The following GRID1 variants were observed in gnomAD, a reference collection of about 807,000 sequenced individuals.
The protein encoded by GRID1 is glutamate ionotropic receptor delta type subunit 1.
In GRID1, 28 loss-of-function variants were observed where a neutral mutation model predicts 98.0. That is an observed-to-expected ratio of 0.29 (90% CI 0.21 to 0.39). GRID1 has a LOEUF of 0.39. Ranked by LOEUF, GRID1 falls within the 10% of genes least tolerant of loss-of-function variation. The pLI is 1.00. For synonymous variants in GRID1, 553 were observed against 538.5 expected (o/e 1.03, Z -0.37); for missense variants, 1,111 against 1,340.5 (o/e 0.83, Z 2.67).
chr10:85,884,445 A>G (rs967656964), intron 5 of GRID1, among the ~76,000 whole-genome samples: 1 of 152,118 alleles, frequency 6.6e-6, no homozygotes, highest in African/African-American at 2.4e-5. Flanking sequence ...CTTGTCATTA[A>G]TATTAGAAAG....
intron 4 of GRID1, among the ~76,000 whole-genome samples, chr10:85,930,288 T>C (rs927692923): frequency 2.4e-5 from 3 of 126,548 alleles, no homozygotes; most frequent in African/African-American, 1.0e-4. Flanking sequence ...CTTGCGGTTA[T>C]TTATAACTAC....
intron 12 of GRID1, among the ~76,000 whole-genome samples, chr10:85,678,399 G>T (rs1412807457): frequency 6.6e-6 from 1 of 152,138 alleles, no homozygotes; most frequent in Non-Finnish European, 1.5e-5. Flanking sequence ...GAGAATTCTA[G>T]CTCTGGGCTG....
At chr10:85,955,976 T>A (rs1283672902) in intron 4 of GRID1, among the ~76,000 whole-genome samples, 1 of 152,174 alleles carries the variant, frequency 6.6e-6, no homozygotes, top group East Asian at 1.9e-4. Context: ...TAATTTCTCA[T>A]GAGCTTGACC....
intron 4 of GRID1, among the ~76,000 whole-genome samples, chr10:86,034,744 A>G (rs1243069768): frequency 6.6e-6 from 1 of 151,912 alleles, no homozygotes; most frequent in African/African-American, 2.4e-5. Flanking sequence ...GGCGTGTGAG[A>G]GTTTCTGAAA....
chr10:85,599,802 A>AAAAAAATATATATATATATAT lies in GRID1; in HGVS notation c.*2470_*2471insATATATATATATATATTTTTT. 15 of 64,966 alleles carry AAAAAAATATATATATATATAT rather than the reference A, an allele frequency of 2.3e-4. No individual in the cohort carries two copies. The South Asian group carries it at 3.9e-3, about 17-fold the overall frequency. The allele number at this position is 64,966 out of a possible 1,614,324, so 4.0% of individuals were successfully genotyped here. On this transcript the variant is annotated 3_prime_UTR_variant, in exon 16 of 16. Coordinates refer to ENST00000327946, the MANE Select transcript of GRID1 (RefSeq NM_017551.3). ...GTAGAAAATTCTAAAAAAAAAAAAA[A>AAAAAAATATATATATATATAT]ATATATATATATATATATAAACATG...
At chr10:85,620,468 G>A (rs935770586) in intron 13 of GRID1, among the ~76,000 whole-genome samples, 4 of 151,354 alleles carry the variant, frequency 2.6e-5, no homozygotes, top group African/African-American at 9.7e-5. Flanking sequence ...ATAGAACTGT[G>A]GCATATCTTA....
intron 5 of GRID1, among the ~76,000 whole-genome samples, chr10:85,909,166 G>A (rs189336778): frequency 1.6e-3 from 245 of 152,262 alleles, no homozygotes; most frequent in Non-Finnish European, 2.6e-3. Flanking sequence ...AGATCTAAAT[G>A]GCAAATAAGC....
At chr10:86,287,339 C>T (rs890981821) in intron 2 of GRID1, among the ~76,000 whole-genome samples, 1 of 152,140 alleles carries the variant, frequency 6.6e-6, no homozygotes, top group Non-Finnish European at 1.5e-5. Flanking sequence ...TGGGTGCCTA[C>T]CTCAAAGCAA....
intron 4 of GRID1, among the ~76,000 whole-genome samples, chr10:85,939,638 G>A (rs1352489416): frequency 6.6e-6 from 1 of 152,088 alleles, no homozygotes; most frequent in Non-Finnish European, 1.5e-5. Flanking sequence ...AGTCACTTGT[G>A]ATTCCATTGC....
At chr10:85,696,470 A>T (rs989443449) in intron 12 of GRID1, among the ~76,000 whole-genome samples, 1 of 152,132 alleles carries the variant, frequency 6.6e-6, no homozygotes, top group Non-Finnish European at 1.5e-5. Flanking sequence ...AAAACTATTC[A>T]TGATGTTCAA....
At chr10:86,049,356 AC>A (rs1843467922) in intron 4 of GRID1, among the ~76,000 whole-genome samples, 1 of 152,156 alleles carries the variant, frequency 6.6e-6, no homozygotes, top group Admixed American at 6.5e-5. Flanking sequence ...GTTAGACTTG[AC>A]CCAACGTTCC....
chr10:85,987,171 G>A (rs982462090), intron 4 of GRID1, among the ~76,000 whole-genome samples: 2 of 152,004 alleles, frequency 1.3e-5, no homozygotes, highest in Admixed American at 6.5e-5. Context: ...GTAGCCTCAG[G>A]GGTATCTTCA....
At chr10:85,954,627 A>G (rs1842166830) in intron 4 of GRID1, among the ~76,000 whole-genome samples, 1 of 152,226 alleles carries the variant, frequency 6.6e-6, no homozygotes, top group Non-Finnish European at 1.5e-5. Flanking sequence ...ACTGTATCAT[A>G]TGGTTCCTCA....
At chr10:86,053,397 AC>A in intron 4 of GRID1, among the ~76,000 whole-genome samples, 1 of 149,904 alleles carries the variant, frequency 6.7e-6, no homozygotes, top group South Asian at 2.1e-4. Context: ...TCCCTCTGTC[AC>A]CCAGACTAGA....
intron 4 of GRID1, among the ~76,000 whole-genome samples, chr10:86,049,531 A>C (rs1843470755): frequency 6.6e-6 from 1 of 152,250 alleles, no homozygotes; most frequent in Non-Finnish European, 1.5e-5. Context: ...ATGCCACACC[A>C]GGAAGAGACG....
At chr10:86,119,299 C>A (rs1844632005) in intron 4 of GRID1, among the ~76,000 whole-genome samples, 1 of 152,158 alleles carries the variant, frequency 6.6e-6, no homozygotes, top group Non-Finnish European at 1.5e-5. Flanking sequence ...CAGGCCACTG[C>A]ACTCCAGCCT....
At chr10:86,304,831 G>C (rs368863019) in intron 2 of GRID1, among the ~76,000 whole-genome samples, 4 of 152,100 alleles carry the variant, frequency 2.6e-5, no homozygotes, top group African/African-American at 9.7e-5. Context: ...CGCTTTCCAT[G>C]GTCAAGGTGT....
At chr10:85,793,105 G>A (rs941170545) in intron 8 of GRID1, among the ~76,000 whole-genome samples, 5 of 151,718 alleles carry the variant, frequency 3.3e-5, no homozygotes, top group African/African-American at 7.3e-5. Context: ...CAACACTCTC[G>A]ATGGGCTTTG....
At chr10:85,823,289 G>A (rs1405259003) in intron 8 of GRID1, among the ~76,000 whole-genome samples, 1 of 151,972 alleles carries the variant, frequency 6.6e-6, no homozygotes, top group Non-Finnish European at 1.5e-5. Context: ...ACTTGAAATG[G>A]GTGCATTGTG....
Sources: gnomAD v4.1 joint callset for allele counts (sites outside exome capture counted in the v4.1 genomes callset) on GRCh38, gnomAD v4.1.1 for gene constraint, MANE v1.5 for transcripts, NCBI Gene and HGNC (gene_info 2026-07-23, HGNC 2026-07-21) for gene names.